NRG1: variants seen among roughly 807,000 people sequenced by gnomAD.
NRG1 encodes the protein neuregulin 1.
NRG1 carries 18 observed loss-of-function variants against 63.8 expected under a neutral mutation model. The ratio of observed to expected loss-of-function variants is 0.28; its 90% CI spans 0.19 to 0.42. The LOEUF is 0.42. Among genes scored for constraint, NRG1 ranks in the 10% least tolerant of loss-of-function variants. The probability of loss-of-function intolerance (pLI) is 1.00; values close to 1 mark genes in which losing one functional copy is unlikely to be tolerated. For synonymous variants in NRG1, 302 were observed against 301.3 expected (o/e 1.00, Z -0.02); for missense variants, 762 against 814.7 (o/e 0.94, Z 0.79).
intron 1 of NRG1, among the ~76,000 whole-genome samples, chr8:31,886,052 AT>A (rs1385799315): frequency 2.6e-5 from 4 of 152,124 alleles, no homozygotes. Context: ...ATGAGTAAGA[AT>A]TAGTGAAGAG....
rs34318329 is a variant in NRG1 at position 32,693,214 on chromosome 8, C to CT, written c.503-34718dup. Among the ~76,000 whole-genome samples, 1,057 of 138,576 alleles carry CT rather than the reference C, an allele frequency of 7.6e-3. 5 individuals carry two copies. The highest frequency in any genetic ancestry group is 0.021 in the African/African-American group (811 of 37,808). 90.9% of individuals were successfully genotyped at this position (138,576 alleles called of 152,430 possible). A position where few individuals can be genotyped will look rare whatever the true frequency, so the allele number is the denominator to read the frequency against. On this transcript the variant is annotated intron_variant, in intron 5 of 11. Transcript: ENST00000356819. ...TCATTTGTCTTCTCTATGGGTCACT[C>CT]TTTTTTTTTTTTTTTTTCTTTTGAG... is the stretch of plus-strand genomic sequence containing the variant.
intron 1 of NRG1, among the ~76,000 whole-genome samples, chr8:32,267,414 A>G (rs1447024959): frequency 6.6e-6 from 1 of 152,176 alleles, no homozygotes; most frequent in African/African-American, 2.4e-5. Flanking sequence ...CCTGGCTTAG[A>G]TGTAGTTGTG....
chr8:31,970,060 G>A (rs557382407), intron 1 of NRG1, among the ~76,000 whole-genome samples: 4 of 152,176 alleles, frequency 2.6e-5, no homozygotes, highest in African/African-American at 9.6e-5. Flanking sequence ...TCCTCTTGGG[G>A]CTAATTGAAT....
chr8:32,098,438 T>C (rs1830158278), intron 1 of NRG1, among the ~76,000 whole-genome samples: 1 of 152,162 alleles, frequency 6.6e-6, no homozygotes, highest in South Asian at 2.1e-4. Context: ...GGCTTGGTAA[T>C]GGATGATTCT....
At chr8:31,664,970 T>A (rs904519028) in intron 1 of NRG1, among the ~76,000 whole-genome samples, 1 of 152,114 alleles carries the variant, frequency 6.6e-6, no homozygotes, top group Non-Finnish European at 1.5e-5. Context: ...AATGAACAGG[T>A]CATAGATAAA....
chr8:31,985,055 A>G (rs889204081), intron 1 of NRG1, among the ~76,000 whole-genome samples: 9 of 152,138 alleles, frequency 5.9e-5, no homozygotes, highest in Admixed American at 2.6e-4. Flanking sequence ...GGTGATCTCA[A>G]TTGCTATAGA....
intron 1 of NRG1, among the ~76,000 whole-genome samples, chr8:32,555,567 G>A (rs1238037346): frequency 1.3e-5 from 2 of 152,202 alleles, no homozygotes; most frequent in Admixed American, 6.5e-5. Context: ...CGCCTCCCGG[G>A]TTCACGCCAT....
exon 12 of NRG1, chr8:32,766,394 T>C (rs1282526500): frequency 6.6e-6 from 1 of 152,190 alleles, no homozygotes; most frequent in Admixed American, 6.6e-5. Context: ...TTGCACTGAT[T>C]TTCCAATTCT....
At chr8:32,469,369 C>T (rs1823486503) in intron 1 of NRG1, among the ~76,000 whole-genome samples, 2 of 152,178 alleles carry the variant, frequency 1.3e-5, no homozygotes, top group South Asian at 4.2e-4. Flanking sequence ...CTGGGACTGT[C>T]GGACCTCAGG....
chr8:31,909,089 A>G (rs1440944353), intron 1 of NRG1, among the ~76,000 whole-genome samples: 2 of 152,204 alleles, frequency 1.3e-5, no homozygotes, highest in Non-Finnish European at 2.9e-5. Context: ...AATGTTTAGT[A>G]AAAAGCTACA....
At chr8:31,719,105 C>T (rs1033013973) in intron 1 of NRG1, among the ~76,000 whole-genome samples, 1 of 152,086 alleles carries the variant, frequency 6.6e-6, no homozygotes, top group African/African-American at 2.4e-5. Context: ...TTTCATTTCC[C>T]CGGGTAATCT....
chr8:31,956,044 A>AG (rs1445900811), intron 1 of NRG1, among the ~76,000 whole-genome samples: 1 of 150,750 alleles, frequency 6.6e-6, no homozygotes, highest in Non-Finnish European at 1.5e-5. Context: ...CTGTCTCAAA[A>AG]AAAAAAAAAC....
chr8:32,648,473 C>T (rs1006569707), intron 5 of NRG1: 1 of 1,488,408 alleles, frequency 6.7e-7, no homozygotes, highest in Non-Finnish European at 9.0e-7. Flanking sequence ...TTTCTTCTTG[C>T]ATTTTAGTTG....
intron 1 of NRG1, among the ~76,000 whole-genome samples, chr8:32,310,641 G>A (rs998114382): frequency 1.3e-5 from 2 of 152,174 alleles, no homozygotes; most frequent in Non-Finnish European, 2.9e-5. Context: ...AGAAGTCTAA[G>A]AATTAGAAGG....
At chr8:32,752,347 G>A (rs548395962) in intron 7 of NRG1, among the ~76,000 whole-genome samples, 1 of 152,218 alleles carries the variant, frequency 6.6e-6, no homozygotes, top group South Asian at 2.1e-4. Flanking sequence ...ATGGGGGAGG[G>A]GAGGCAGCAG....
intron 1 of NRG1, among the ~76,000 whole-genome samples, chr8:32,392,442 A>G (rs552866843): frequency 2.0e-5 from 3 of 152,254 alleles, no homozygotes; most frequent in African/African-American, 4.8e-5. Context: ...GTTGTATGCC[A>G]TTTGGCAAAT....
intron 1 of NRG1, among the ~76,000 whole-genome samples, chr8:32,030,154 T>A (rs181569135): frequency 6.6e-5 from 10 of 152,362 alleles, no homozygotes; most frequent in African/African-American, 2.2e-4. Flanking sequence ...CATTTCAAAA[T>A]ACAGTGCACA....
At chr8:31,819,112 C>T (rs1441344883) in intron 1 of NRG1, among the ~76,000 whole-genome samples, 1 of 152,060 alleles carries the variant, frequency 6.6e-6, no homozygotes, top group Non-Finnish European at 1.5e-5. Context: ...GTTGCATAGA[C>T]CTGTAGTCCC....
At chr8:31,943,878 T>C (rs1802135885) in intron 1 of NRG1, among the ~76,000 whole-genome samples, 1 of 152,228 alleles carries the variant, frequency 6.6e-6, no homozygotes, top group Admixed American at 6.5e-5. Flanking sequence ...TGTGCCTACC[T>C]TGTTTTTCTC....
Sources: allele counts gnomAD v4.1 joint callset (sites outside exome capture counted in the v4.1 genomes callset), GRCh38; gene constraint gnomAD v4.1.1; transcripts MANE v1.5; gene names NCBI Gene and HGNC (gene_info 2026-07-23, HGNC 2026-07-21).